TMCO4: variants seen among roughly 807,000 people sequenced by gnomAD.
TMCO4 encodes transmembrane and coiled-coil domain-containing protein 4.
TMCO4 carries 58 observed loss-of-function variants against 64.7 expected under a neutral mutation model. That is an observed-to-expected ratio of 0.90 (90% CI 0.73 to 1.12). The LOEUF is 1.12. Among genes scored for constraint, TMCO4 ranks in the 50% most tolerant of loss-of-function variants. The pLI, the probability that TMCO4 is intolerant of heterozygous loss-of-function variation, is 0.00. For missense variants in TMCO4, 780 were observed against 825.9 expected, an observed-to-expected ratio of 0.94 and a Z score of 0.68; for synonymous variants, 325 against 346.1, an observed-to-expected ratio of 0.94 and a Z score of 0.68.
At chr1:19,776,980 T>C (rs1186528012) in intron 4 of TMCO4, among the ~76,000 whole-genome samples, 3 of 126,038 alleles carry the variant, frequency 2.4e-5, no homozygotes, top group East Asian at 2.4e-4. Context: ...TGAGCCAAGA[T>C]CACACCACTG....
chr1:19,739,959 G>A lies in TMCO4; in HGVS notation c.1044C>T (p.Gly348=). Residue 348 remains glycine, a splice_region_variant and synonymous_variant, in exon 12 of 16, where the codon GGC becomes GGT. Transcript: ENST00000294543. ...CTGGCCAGGTCAGGGCAGCCACAAT[G>A]CCTGGGGAGGTGAGATAGTGATGAA... ...QEALKYTVLS[G]IVAALTWPAS... The A allele has an allele frequency of 6.2e-7, 1 of 1,612,496 alleles. No homozygotes were observed. Among genetic ancestry groups the A allele is most frequent in the Non-Finnish European group, 8.5e-7 (1 of 1,179,324 alleles).
chr1:19,736,363 A>G (rs980505121), intron 13 of TMCO4, among the ~76,000 whole-genome samples: 17 of 152,134 alleles, frequency 1.1e-4, no homozygotes, highest in African/African-American at 4.1e-4. Flanking sequence ...ACCCATGTGG[A>G]TTGTGGGAGC....
chr1:19,741,260 A>G (rs1471322729), intron 10 of TMCO4, among the ~76,000 whole-genome samples: 1 of 152,240 alleles, frequency 6.6e-6, no homozygotes, highest in Non-Finnish European at 1.5e-5. Context: ...TAGGGTAGGT[A>G]TAAGAATGAA....
At chr1:19,723,093 C>G (rs567954807) in intron 13 of TMCO4, among the ~76,000 whole-genome samples, 1 of 152,284 alleles carries the variant, frequency 6.6e-6, no homozygotes, top group Non-Finnish European at 1.5e-5. Context: ...GGGCCACCTT[C>G]TCTCTCTCTG....
At chr1:19,695,643 C>T (rs1282374102) in intron 14 of TMCO4, among the ~76,000 whole-genome samples, 1 of 152,092 alleles carries the variant, frequency 6.6e-6, no homozygotes, top group Non-Finnish European at 1.5e-5. Context: ...GCTGTGTGAC[C>T]ACAGGCAAGT....
chr1:19,705,747 G>A (rs747154682), intron 13 of TMCO4, among the ~76,000 whole-genome samples: 3 of 151,568 alleles, frequency 2.0e-5, no homozygotes, highest in East Asian at 1.9e-4. Flanking sequence ...ACCTATTTAG[G>A]TTAGGAAAAA....
rs560181802 is a variant in TMCO4 at position 19,734,257 on chromosome 1, C to T, written c.1264+3115G>A. On this transcript the variant is annotated intron_variant, in intron 13 of 15. Coordinates refer to ENST00000294543, the MANE Select transcript of TMCO4 (RefSeq NM_181719.7). The surrounding 1 kb of genome is among the most constrained non-coding windows in gnomAD (Gnocchi z 4.4). ...TGCTGAAGGCAGATCATGAGTGGGG[C>T]CCTGTGAGTCATGCTGGGACATCCA... Among the ~76,000 whole-genome samples the T allele has an allele frequency of 6.6e-6, 1 of 152,024 alleles. No homozygotes were observed. Among genetic ancestry groups the T allele is most frequent in the African/African-American group, 2.4e-5 (1 of 41,374 alleles).
chr1:19,688,565 TG>T (rs752302507), intron 15 of TMCO4, among the ~76,000 whole-genome samples: 1 of 152,116 alleles, frequency 6.6e-6, no homozygotes, highest in Non-Finnish European at 1.5e-5. Flanking sequence ...TGATAATACA[TG>T]TAACAGGCTT....
chr1:19,755,829 C>A, intron 6 of TMCO4, 63 bp from the exon 7 acceptor site: 1 of 1,599,822 alleles, frequency 6.3e-7, no homozygotes, highest in Non-Finnish European at 8.5e-7. Flanking sequence ...GTGATGTTAG[C>A]AGTGTAACTG....
intron 5 of TMCO4, among the ~76,000 whole-genome samples, chr1:19,770,958 AT>A (rs2042953683): frequency 6.6e-6 from 1 of 152,156 alleles, no homozygotes; most frequent in Non-Finnish European, 1.5e-5. Flanking sequence ...CAAGGTTCAA[AT>A]CCTGGCTCCA....
chr1:19,699,694 C>G (rs1212915191), intron 14 of TMCO4, among the ~76,000 whole-genome samples: 12 of 152,038 alleles, frequency 7.9e-5, no homozygotes, highest in Non-Finnish European at 1.8e-4. Flanking sequence ...GCTGCCTGGC[C>G]TACGTTTGGT....
chr1:19,698,728 T>C (rs1218795717), intron 14 of TMCO4, among the ~76,000 whole-genome samples: 1 of 152,210 alleles, frequency 6.6e-6, no homozygotes, highest in African/African-American at 2.4e-5. Context: ...TTCTTCCTTC[T>C]CTTTCTCCTT....
intron 1 of TMCO4, among the ~76,000 whole-genome samples, chr1:19,799,567 T>G (rs1382301974): frequency 6.6e-6 from 1 of 152,172 alleles, no homozygotes; most frequent in Non-Finnish European, 1.5e-5. Flanking sequence ...GCCCGAGTGC[T>G]CCGCCCAGCC....
chr1:19,792,242 G>C (rs1428188891), intron 2 of TMCO4, among the ~76,000 whole-genome samples: 3 of 152,206 alleles, frequency 2.0e-5, no homozygotes, highest in Admixed American at 6.5e-5. Flanking sequence ...GCGATCTCCA[G>C]GGAAACAATA....
chr1:19,784,925 G>T (rs140365999), intron 3 of TMCO4, among the ~76,000 whole-genome samples: 3 of 151,138 alleles, frequency 2.0e-5, no homozygotes, highest in African/African-American at 4.9e-5. Flanking sequence ...GTGTTGGGCC[G>T]CATTCAAAGC....
chr1:19,742,915 T>C (rs1159233750), intron 10 of TMCO4, among the ~76,000 whole-genome samples: 1 of 152,092 alleles, frequency 6.6e-6, no homozygotes, highest in Non-Finnish European at 1.5e-5. Flanking sequence ...CCGGGCGTGG[T>C]GGCACATGCC....
At chr1:19,756,660 A>G (rs2042268265) in intron 6 of TMCO4, among the ~76,000 whole-genome samples, 1 of 152,192 alleles carries the variant, frequency 6.6e-6, no homozygotes, top group Admixed American at 6.5e-5. Context: ...GTATGTAATA[A>G]CTTTCAAAAA....
rs755015270 is a variant in TMCO4 at position 19,746,507 on chromosome 1, C to T, written c.706G>A (p.Gly236Ser). 15 of 1,612,316 alleles carry T rather than the reference C, an allele frequency of 9.3e-6. No individual in the cohort carries two copies. The highest frequency in any genetic ancestry group is 6.7e-5 in the East Asian group (3 of 44,832). Residue 236 changes from glycine (G) to serine (S), a missense_variant, in exon 9 of 16, where the codon GGC (glycine) becomes AGC (serine). Transcript: ENST00000294543. The stretch of plus-strand genomic sequence containing the variant: ...AACAGCGAGGTCATGATGGCTATGC[C>T]GGCTGCTGAGCCCAGAGCCGCTGCC... ...AGAAALGSAA[G>S]IAIMTSLFGA...
intron 2 of TMCO4, among the ~76,000 whole-genome samples, chr1:19,796,479 C>A (rs924191869): frequency 2.0e-5 from 3 of 152,144 alleles, no homozygotes; most frequent in Non-Finnish European, 4.4e-5. Flanking sequence ...CCCAGGGCAC[C>A]AGGGATTCGC....
Sources: gnomAD v4.1 joint callset for allele counts (sites outside exome capture counted in the v4.1 genomes callset) on GRCh38, gnomAD v4.1.1 for gene constraint, Gnocchi (gnomAD v3.1) non-coding constraint, MANE v1.5 for transcripts, NCBI Gene and HGNC (gene_info 2026-07-23, HGNC 2026-07-21) for gene names.